Variants in DNM1 observed in about 807,000 individuals in gnomAD.
The protein encoded by DNM1 is dynamin-1.
Under a neutral mutation model 104.6 loss-of-function variants are expected in DNM1, and 29 were observed. That is an observed-to-expected ratio of 0.28 (90% CI 0.21 to 0.38). DNM1 has a LOEUF of 0.38. Among genes scored for constraint, DNM1 ranks in the 10% least tolerant of loss-of-function variants. The pLI, the probability that DNM1 is intolerant of heterozygous loss-of-function variation, is 1.00. For synonymous variants in DNM1, 445 were observed against 475.8 expected, an observed-to-expected ratio of 0.94 and a Z score of 0.84; for missense variants, 640 against 1,189.4, an observed-to-expected ratio of 0.54 and a Z score of 6.79.
At chr9:128,246,808 C>G (rs1836856325) in intron 16 of DNM1, 2 of 439,832 alleles carry the variant, frequency 4.5e-6, no homozygotes, top group South Asian at 4.6e-5. Flanking sequence ...TTCCCTCCCT[C>G]CCTCCGTCCC....
At chr9:128,204,963 A>G (rs1458835575) in intron 1 of DNM1, 1 of 152,234 alleles carries the variant, frequency 6.6e-6, no homozygotes, top group Non-Finnish European at 1.5e-5. Context: ...CTGCCCCTCA[A>G]ATGTCCTGGG....
chr9:128,237,263 G>T (rs1836070260), intron 11 of DNM1, among the ~76,000 whole-genome samples: 1 of 133,800 alleles, frequency 7.5e-6, no homozygotes, highest in African/African-American at 3.4e-5. Context: ...CATTATCCTT[G>T]TTCTTTTTTT....
At chr9:128,223,458 C>T (rs1228728865) in intron 9 of DNM1, 1 of 152,850 alleles carries the variant, frequency 6.5e-6, no homozygotes, top group Non-Finnish European at 1.5e-5. Flanking sequence ...AAATTTAAAG[C>T]ACCTACCCTA....
chr9:128,232,457 G>A (rs3003614), intron 10 of DNM1: 71,801 of 162,308 alleles, frequency 0.44, 18,982 homozygotes, highest in Admixed American at 0.61. Context: ...GGTGTGATGC[G>A]GGCATCCCTC....
intron 6 of DNM1, chr9:128,221,055 TTCTCTCTTTCTTTCTC>T (rs1160028837): frequency 2.7e-4 from 36 of 132,728 alleles, no homozygotes; most frequent in African/African-American, 9.3e-4. Context: ...CTTTCTCTCT[TTCTCTCTTTCTTTCTC>T]TCTTTCTCTC....
At chr9:128,239,408 C>A (rs1222440528) in intron 11 of DNM1, 37 bp from the exon 12 acceptor site, 2 of 1,578,424 alleles carry the variant, frequency 1.3e-6, no homozygotes, top group African/African-American at 1.3e-5. Context: ...TTTGTGGTGT[C>A]TTTTGCGCTT....
chr9:128,254,573 GGCCGT>G lies in DNM1; in HGVS notation c.2535-79_2535-75del. On this transcript the variant is annotated intron_variant, in intron 21 of 21. Transcript: ENST00000372923. This position sits in a 1 kb window ranked among gnomAD's most constrained non-coding sequence, Gnocchi z 6.1. ...CCACTGCTGCGGCGCGGCCGGCCCC[GGCCGT>G]GTGCTGCGCTTGCCTTACCAGCTCT... 7.3e-7 allele frequency: 1 copy of G among 1,373,148 alleles called. No individual in the cohort carries two copies. The highest frequency in any genetic ancestry group is 9.6e-7 in the Non-Finnish European group (1 of 1,037,554). The allele number at this position is 1,373,148 out of a possible 1,614,324, so 85.1% of individuals were successfully genotyped here.
intron 10 of DNM1, among the ~76,000 whole-genome samples, chr9:128,229,917 GA>G (rs1456002492): frequency 7.5e-6 from 1 of 132,522 alleles, no homozygotes; most frequent in Non-Finnish European, 1.7e-5. Context: ...CGTCTCAAAG[GA>G]AAAAAAAGGG....
chr9:128,213,205 C>T (rs1834408326), intron 1 of DNM1, among the ~76,000 whole-genome samples: 2 of 152,050 alleles, frequency 1.3e-5, no homozygotes, highest in Admixed American at 1.3e-4. Flanking sequence ...CCTCAGTCTC[C>T]CGAGTAGCTG....
In DNM1 at chr9:128,222,872, G is replaced by A; in HGVS notation, c.1196+12G>A. 1 of 1,613,680 alleles carries A rather than the reference G, an allele frequency of 6.2e-7. No homozygotes were observed. The highest frequency in any genetic ancestry group is 8.5e-7 in the Non-Finnish European group (1 of 1,179,788). ...ATCCATGGCATTAGGCACGTATTGG[G>A]GCCTGGGAGGGTGGCTGAACCCCAG... On this transcript the variant is annotated intron_variant, in intron 9 of 21. Transcript: ENST00000372923. The surrounding 1 kb of genome is among the most constrained non-coding windows in gnomAD (Gnocchi z 7.8).
At chr9:128,246,233 G>A (rs1836807014) in intron 15 of DNM1, among the ~76,000 whole-genome samples, 161 bp from the exon 16 acceptor site, 1 of 152,030 alleles carries the variant, frequency 6.6e-6, no homozygotes, top group African/African-American at 2.4e-5. Context: ...CGGTGCCCAG[G>A]AGGCCTACGG....
intron 1 of DNM1, chr9:128,204,814 G>A (rs1286435959): frequency 6.6e-6 from 1 of 152,308 alleles, no homozygotes; most frequent in Admixed American, 6.5e-5. Flanking sequence ...GGGAGAGGGA[G>A]GCAGGGGCCC....
chr9:128,222,868 TTGGGGCCTGGGAGGG>T lies in DNM1; in HGVS notation c.1196+12_1196+26del, dbSNP rs1835104445. On this transcript the variant is annotated intron_variant, in intron 9 of 21. Transcript: ENST00000372923. This position sits in a 1 kb window ranked among gnomAD's most constrained non-coding sequence, Gnocchi z 7.8. ...GAATATCCATGGCATTAGGCACGTA[TTGGGGCCTGGGAGGG>T]TGGCTGAACCCCAGAAGTAGGGGGT... is the stretch of plus-strand genomic sequence containing the variant. The T allele has an allele frequency of 6.2e-7, 1 of 1,613,818 alleles. No individual in the cohort carries two copies. Among genetic ancestry groups the T allele is most frequent in the South Asian group, 1.1e-5 (1 of 91,084 alleles).
At chr9:128,244,881 C>T (rs373272982) in intron 15 of DNM1, 1 of 469,014 alleles carries the variant, frequency 2.1e-6, no homozygotes, top group Admixed American at 2.2e-5. Context: ...CAGCCCCATC[C>T]CCTGGAGATC....
At chr9:128,210,991 T>C (rs7870297) in intron 1 of DNM1, among the ~76,000 whole-genome samples, 180 of 152,288 alleles carry the variant, frequency 1.2e-3, no homozygotes, top group African/African-American at 3.8e-3. Flanking sequence ...AAAGTAATAT[T>C]GAGCTTGGAA....
chr9:128,211,402 A>C (rs1392743369), intron 1 of DNM1, among the ~76,000 whole-genome samples: 1 of 151,584 alleles, frequency 6.6e-6, no homozygotes, highest in African/African-American at 2.4e-5. Context: ...CGTGGGAAAA[A>C]TAGGGCCGTG....
Position 128,220,993 on chromosome 9 carries a change from C to CCCTTCCTTCCTTCCTTCCTT in DNM1, c.849+657_849+676dup, listed in dbSNP as rs148599259. 3.6e-4 allele frequency: 45 copies of CCCTTCCTTCCTTCCTTCCTT among 126,080 alleles called. No individual in the cohort carries two copies. The highest frequency in any genetic ancestry group is 1.4e-3 in the African/African-American group (43 of 30,298). The allele number at this position is 126,080 out of a possible 1,614,324, so 7.8% of individuals were successfully genotyped here. The stretch of plus-strand genomic sequence containing the variant: ...TTTCTTTCTCTTTCTTTCTTTCTTT[C>CCCTTCCTTCCTTCCTTCCTT]CCTTCCTTCCTTCCTTCCTTCCTTT... On this transcript the variant is annotated intron_variant, in intron 6 of 21. Coordinates refer to ENST00000372923, the MANE Select transcript of DNM1 (RefSeq NM_004408.4). This position sits in a 1 kb window ranked among gnomAD's most constrained non-coding sequence, Gnocchi z 5.2.
Position 128,222,399 on chromosome 9 carries a change from C to T in DNM1, c.992+60C>T. On this transcript the variant is annotated intron_variant, in intron 7 of 21. Transcript: ENST00000372923. The surrounding 1 kb of genome is among the most constrained non-coding windows in gnomAD (Gnocchi z 7.8). Reference sequence around the variant, plus strand: ...GCCCCCAGCCTCTCAGCGTGGGGCTCTCCCAGGGTTCCCTTTGCTGGGCTG... The same window carrying T: ...GCCCCCAGCCTCTCAGCGTGGGGCTTTCCCAGGGTTCCCTTTGCTGGGCTG... 1 of 1,609,730 alleles carries T rather than the reference C, an allele frequency of 6.2e-7. No homozygotes were observed. Among genetic ancestry groups the T allele is most frequent in the Non-Finnish European group, 8.5e-7 (1 of 1,176,810 alleles).
chr9:128,237,208 T>C (rs61026298), intron 11 of DNM1, among the ~76,000 whole-genome samples: 5,497 of 151,924 alleles, frequency 0.036, 331 homozygotes, highest in African/African-American at 0.12. Flanking sequence ...CCAAATATGT[T>C]CACATTTAAT....
Sources: gnomAD v4.1 joint callset for allele counts (sites outside exome capture counted in the v4.1 genomes callset) on GRCh38, gnomAD v4.1.1 for gene constraint, Gnocchi (gnomAD v3.1) non-coding constraint, MANE v1.5 for transcripts, NCBI Gene and HGNC (gene_info 2026-07-23, HGNC 2026-07-21) for gene names.